The following GPLD1 variants were observed in gnomAD, a reference collection of about 807,000 sequenced individuals.
GPLD1 encodes the protein glycosylphosphatidylinositol specific phospholipase D1.
A neutral mutation model predicts 112.6 loss-of-function variants in GPLD1; 84 were observed. The observed-to-expected ratio is 0.75, with a 90% CI of 0.63 to 0.89. The LOEUF (loss-of-function observed/expected upper bound fraction) is 0.89, where lower values mean the gene tolerates loss of function less well. Ranked by LOEUF, GPLD1 falls within the 40% of genes least tolerant of loss-of-function variation. GPLD1 has a pLI of 0.00. For missense variants in GPLD1, 1,044 were observed against 1,051.5 expected (o/e 0.99, Z 0.10); for synonymous variants, 386 against 403.8 (o/e 0.96, Z 0.53).
rs1762324272 is a variant in GPLD1, at chr6:24,429,071, G to C, written c.2484C>G (p.Leu828=). 2 of 1,613,818 alleles carry C rather than the reference G, an allele frequency of 1.2e-6. No homozygotes were observed. The highest frequency in any genetic ancestry group is 1.7e-6 in the Non-Finnish European group (2 of 1,179,766). Residue 828 remains leucine (L), a synonymous_variant, in exon 25 of 25, where the codon CTC becomes CTG. Transcript: ENST00000230036. ...AAGRSSLGAR[L]SGALHVYSLG... is the part of the protein sequence containing the mutation. ...GGCTATAGACGTGAAGTGCCCCGGA[G>C]AGTCGGGCTCCCAAAGAACTCCTTC...
In GPLD1 at chr6:24,495,024, T is replaced by A. The variant is rs1011665766; in HGVS notation, n.182A>T. ...GGCGACCTGCATTTGGCTGCGGAGC[T>A]GTGGGGCCCGGCGCCTCGGGTCGAC... is the stretch of plus-strand genomic sequence containing the variant. On this transcript the variant is annotated non_coding_transcript_exon_variant, in exon 1 of 11. Transcript: ENST00000474784. The A allele has an allele frequency of 1.5e-6, 2 of 1,341,568 alleles. No homozygotes were observed. Among genetic ancestry groups the A allele is most frequent in the Admixed American group, 2.9e-5 (1 of 34,282 alleles). The allele number at this position is 1,341,568 out of a possible 1,614,324, so 83.1% of individuals were successfully genotyped here. A position where few individuals can be genotyped will look rare whatever the true frequency, so the allele number is the denominator to read the frequency against.
chr6:24,450,358 G>A (rs535770341), intron 14 of GPLD1, among the ~76,000 whole-genome samples: 12 of 152,108 alleles, frequency 7.9e-5, no homozygotes, highest in African/African-American at 2.2e-4. Flanking sequence ...AGAATTAGCC[G>A]GGTGTGGTGG....
rs373563219 is a variant in GPLD1, at chr6:24,466,983, A to G, written c.654-44T>C. On this transcript the variant is annotated intron_variant, in intron 8 of 24. Transcript: ENST00000230036. ...TTTTGGCTGTGAGTTGCAGTTTGTA[A>G]CAGAGAAATGAAGCAAATAATGAAG... 27 of 1,536,598 alleles carry G rather than the reference A, an allele frequency of 1.8e-5. No individual in the cohort carries two copies. The African/African-American group carries it at 3.0e-4, about 17-fold the overall frequency.
At chr6:24,449,929 G>T (rs773805395) in intron 14 of GPLD1, 30 bp from the exon 15 acceptor site, 1 of 1,499,580 alleles carries the variant, frequency 6.7e-7, no homozygotes, top group Non-Finnish European at 9.1e-7. Flanking sequence ...CTTCCCCTGG[G>T]CTGAGCCACG....
At position 24,475,149 on chromosome 6, in the gene GPLD1, T is replaced by C. The variant is rs1274603647; in HGVS notation, c.413A>G (p.Glu138Gly). Residue 138 changes from glutamate to glycine, a missense_variant, in exon 5 of 25, where the codon GAA becomes GGA. Physicochemically the swap from Glu to Gly is moderately conservative, Grantham distance 98. Coordinates refer to ENST00000230036, the MANE Select transcript of GPLD1 (RefSeq NM_001503.4). The part of the protein sequence containing the change: ...ADVSWHSLGL[E>G]QGFLRTMGAI... ...TCCCATGGTCCTAAGGAATCCTTGT[T>C]CAAGGCCCAGACTATGCCAGCTGAC... 1 of 1,606,156 alleles carries C rather than the reference T, an allele frequency of 6.2e-7. No homozygotes were observed. Among genetic ancestry groups the C allele is most frequent in the Non-Finnish European group, 8.5e-7 (1 of 1,172,918 alleles).
intron 13 of GPLD1, among the ~76,000 whole-genome samples, chr6:24,455,422 A>G (rs181883349): frequency 3.3e-5 from 5 of 152,356 alleles, no homozygotes; most frequent in African/African-American, 9.6e-5. Context: ...AGGAAATGCA[A>G]TGCCCTTTGG....
Position 24,475,844 on chromosome 6 carries a change from C to CGACA in GPLD1, c.330+333_330+336dup, listed in dbSNP as rs1763996916. ...CTGCACTCCAGCCTGGGTGACAGAG[C>CGACA]GACACTCTGTCTGAAAAACACAAAA... On this transcript the variant is annotated intron_variant, in intron 4 of 24. Coordinates refer to ENST00000230036, the MANE Select transcript of GPLD1 (RefSeq NM_001503.4). Among the ~76,000 whole-genome samples the CGACA allele has an allele frequency of 2.0e-5, 3 of 150,706 alleles. No individual in the cohort carries two copies. The South Asian group carries it at 6.3e-4, about 32-fold the overall frequency.
chr6:24,466,394 T>C (rs916769789), intron 10 of GPLD1, among the ~76,000 whole-genome samples: 1 of 152,194 alleles, frequency 6.6e-6, no homozygotes, highest in African/African-American at 2.4e-5. Flanking sequence ...TGGAGGCTGA[T>C]TCCTGCCTGG....
intron 24 of GPLD1, among the ~76,000 whole-genome samples, chr6:24,430,326 C>T (rs924571320): frequency 1.3e-5 from 2 of 152,216 alleles, no homozygotes; most frequent in Non-Finnish European, 2.9e-5. Flanking sequence ...TCCCTGACTC[C>T]ACCAGCAGAG....
chr6:24,439,975 T>G (rs1162578350), intron 20 of GPLD1, among the ~76,000 whole-genome samples: 3 of 151,878 alleles, frequency 2.0e-5, no homozygotes, highest in African/African-American at 7.3e-5. Flanking sequence ...GATGCAGGGG[T>G]GGTGGGTATT....
intron 11 of GPLD1, among the ~76,000 whole-genome samples, chr6:24,460,736 C>T (rs1300658056): frequency 7.8e-6 from 1 of 128,478 alleles, no homozygotes; most frequent in Non-Finnish European, 1.6e-5. Flanking sequence ...TGCAAGCATA[C>T]TGATTTTTTT....
chr6:24,471,393 T>A (rs1273422149), intron 7 of GPLD1, among the ~76,000 whole-genome samples: 1 of 151,812 alleles, frequency 6.6e-6, no homozygotes, highest in Admixed American at 6.6e-5. Context: ...GGCCTGGAAG[T>A]TGGAGTTTGC....
At chr6:24,480,277 G>C (rs1764157088) in intron 2 of GPLD1, among the ~76,000 whole-genome samples, 2 of 152,096 alleles carry the variant, frequency 1.3e-5, no homozygotes. Context: ...GGATTTCCCT[G>C]AGGCCTTAAG....
At chr6:24,433,165 G>A (rs746777043) in intron 24 of GPLD1, 22 bp downstream of exon 24, 2 of 1,550,016 alleles carry the variant, frequency 1.3e-6, no homozygotes, top group Non-Finnish European at 8.9e-7. Flanking sequence ...AAACATCAAT[G>A]AAGTTCAGTC....
At chr6:24,487,666 C>T (rs2760131) in intron 1 of GPLD1, among the ~76,000 whole-genome samples, 45,731 of 152,064 alleles carry the variant, frequency 0.3, 7,141 homozygotes, top group Non-Finnish European at 0.33. Context: ...AGAAGTTCAA[C>T]CCCCTCATTT....
upstream of GPLD1, among the ~76,000 whole-genome samples, chr6:24,491,764 T>G (rs547621534): frequency 8.5e-5 from 13 of 152,272 alleles, no homozygotes; most frequent in South Asian, 2.7e-3. Flanking sequence ...CAATTTCTCA[T>G]TATGCATTTT....
rs574729885 is a variant in GPLD1, at chr6:24,464,514, C to T, written c.822-1719G>A. 1.8e-3 allele frequency among the ~76,000 whole-genome samples: 274 copies of T among 152,124 alleles called. 1 individual carries two copies. The highest frequency in any genetic ancestry group is 3.0e-3 in the Non-Finnish European group (203 of 68,024). ...TTGTTAAAAACAAGTTTATTATGTACCAAGCTAAGGTCGAATTTGTCATCA... is the reference window on the plus strand; with the variant it reads ...TTGTTAAAAACAAGTTTATTATGTATCAAGCTAAGGTCGAATTTGTCATCA... On this transcript the variant is annotated intron_variant, in intron 10 of 24. Coordinates refer to ENST00000230036, the MANE Select transcript of GPLD1 (RefSeq NM_001503.4).
chr6:24,427,080 T>G lies in GPLD1; in HGVS notation c.*1952A>C, dbSNP rs1762259261. ...GCTCTTCTCATTTGTTATTTTCTCC[T>G]GCTTTTAGTATCATCTCACCCGTGG... On this transcript the variant is annotated 3_prime_UTR_variant, in exon 25 of 25. Transcript: ENST00000230036. Among the ~76,000 whole-genome samples the G allele has an allele frequency of 6.6e-6, 1 of 152,372 alleles. No individual in the cohort carries two copies. Among genetic ancestry groups the G allele is most frequent in the South Asian group, 2.1e-4 (1 of 4,832 alleles).
chr6:24,493,864 G>C (rs1378556813), upstream of GPLD1, among the ~76,000 whole-genome samples: 1 of 152,240 alleles, frequency 6.6e-6, no homozygotes, highest in Non-Finnish European at 1.5e-5. Flanking sequence ...CGCTGTAGGA[G>C]TTGAGAAAGG....
Sources: gnomAD v4.1 joint callset for allele counts (sites outside exome capture counted in the v4.1 genomes callset) on GRCh38, gnomAD v4.1.1 for gene constraint, MANE v1.5 for transcripts, NCBI Gene and HGNC (gene_info 2026-07-23, HGNC 2026-07-21) for gene names.